The following CLN6 variants were observed in gnomAD, a reference collection of about 807,000 sequenced individuals.
CLN6 encodes CLN6 transmembrane ER protein, also known as ceroid-lipofuscinosis neuronal protein 6.
A neutral mutation model predicts 33.3 loss-of-function variants in CLN6; 22 were observed. The ratio of observed to expected loss-of-function variants is 0.66; its 90% CI spans 0.47 to 0.94. The LOEUF (loss-of-function observed/expected upper bound fraction) is 0.94. Ranked by LOEUF, CLN6 falls within the 40% of genes least tolerant of loss-of-function variation. The pLI, the probability that CLN6 is intolerant of heterozygous loss-of-function variation, is 0.00. For missense variants in CLN6, 387 were observed against 417.1 expected, an observed-to-expected ratio of 0.93 and a Z score of 0.63; for synonymous variants, 201 against 174.6, an observed-to-expected ratio of 1.15 and a Z score of -1.19.
At position 68,211,750 on chromosome 15, in the gene CLN6, C is replaced by G. The variant is rs748062705; in HGVS notation, c.411G>C (p.Leu137=). Residue 137 remains leucine, a synonymous_variant, in exon 4 of 7, where the codon CTG becomes CTC. Coordinates refer to ENST00000249806, the MANE Select transcript of CLN6 (RefSeq NM_017882.3). The surrounding 1 kb of genome is among the most constrained non-coding windows in gnomAD (Gnocchi z 5.9). ...HLVGDSVNHR[L]LFSGYQHHLS... is the part of the protein sequence containing the mutation. ...GGTGGTGCTGGTAGCCACTGAAGAG[C>G]AGGCGGTGGTTGACAGAGTCACCCA... 44 of 1,613,836 alleles carry G rather than the reference C, an allele frequency of 2.7e-5. No individual in the cohort carries two copies. The highest frequency in any genetic ancestry group is 3.6e-5 in the Non-Finnish European group (43 of 1,180,008).
rs2093194642 is a variant in CLN6 at position 68,208,509 on chromosome 15, C to A, written c.666-99G>T. The A allele has an allele frequency of 2.3e-6, 3 of 1,326,564 alleles. No individual in the cohort carries two copies. Among genetic ancestry groups the A allele is most frequent in the South Asian group, 1.2e-5 (1 of 80,954 alleles). 82.2% of individuals were successfully genotyped at this position (1,326,564 alleles called of 1,614,324 possible). A position where few individuals can be genotyped will look rare whatever the true frequency, so the allele number is the denominator to read the frequency against. ...AGAGCCAGGCTGCCCTCCAGGCAGG[C>A]AGAAGAGTCCTCTGGTGCCAGGGCT... On this transcript the variant is annotated intron_variant, in intron 6 of 6. Transcript: ENST00000249806. The surrounding 1 kb of genome is among the most constrained non-coding windows in gnomAD (Gnocchi z 5.8).
At chr15:68,254,609 C>CCCG in intron 1 of CLN6, 1 of 610,626 alleles carries the variant, frequency 1.6e-6, no homozygotes, top group Non-Finnish European at 2.9e-6. Flanking sequence ...GCGCCTATGT[C>CCCG]CCGCCGCCGT....
upstream of CLN6, among the ~76,000 whole-genome samples, chr15:68,233,547 G>A (rs542312995): frequency 9.6e-4 from 146 of 152,296 alleles, no homozygotes; most frequent in African/African-American, 3.3e-3. This position sits in a 1 kb window ranked among gnomAD's most constrained non-coding sequence, Gnocchi z 4.3. Flanking sequence ...TTTCTATCCA[G>A]TCTCTTAAGA....
At chr15:68,239,625 T>C (rs1008000611) in intron 1 of CLN6, among the ~76,000 whole-genome samples, 1 of 152,174 alleles carries the variant, frequency 6.6e-6, no homozygotes, top group African/African-American at 2.4e-5. Flanking sequence ...TAAAAATTTA[T>C]AGAATTATGA....
rs1232861652 is a variant in CLN6 at position 68,207,842 on chromosome 15, AGAG to A, written c.*295_*297del. On this transcript the variant is annotated 3_prime_UTR_variant, in exon 7 of 7. Coordinates refer to ENST00000249806, the MANE Select transcript of CLN6 (RefSeq NM_017882.3). ...CTGAGTAGGGAGTGTGGTCAGGTGC[AGAG>A]GAGGGCAGGGGCCCGGATCCTGGCC... The A allele has an allele frequency of 4.4e-6, 2 of 449,496 alleles. No individual in the cohort carries two copies. Among genetic ancestry groups the A allele is most frequent in the African/African-American group, 2.0e-5 (1 of 50,182 alleles). 27.8% of individuals were successfully genotyped at this position (449,496 alleles called of 1,614,324 possible).
intron 1 of CLN6, among the ~76,000 whole-genome samples, chr15:68,225,217 A>G (rs982349467): frequency 6.6e-6 from 1 of 152,272 alleles, no homozygotes; most frequent in South Asian, 2.1e-4. Flanking sequence ...CAAGAAAAAC[A>G]AAAGTAACAT....
intron 1 of CLN6, among the ~76,000 whole-genome samples, chr15:68,222,637 A>C (rs2093241100): frequency 6.6e-6 from 1 of 152,238 alleles, no homozygotes. Context: ...AGAGACAGCG[A>C]CCATTGAGAA....
intron 2 of CLN6, among the ~76,000 whole-genome samples, chr15:68,216,124 G>C (rs943059236): frequency 1.3e-5 from 2 of 152,200 alleles, no homozygotes. Context: ...AGCAGGATGG[G>C]GGAAGTGATT....
At chr15:68,214,464 C>A in intron 2 of CLN6, 76 bp from the exon 3 acceptor site, 1 of 986,308 alleles carries the variant, frequency 1.0e-6, no homozygotes, top group Non-Finnish European at 1.6e-6. Context: ...GAGTCTGCCC[C>A]TAATGCCGCC....
intron 1 of CLN6, among the ~76,000 whole-genome samples, chr15:68,245,233 G>A (rs55873254): frequency 3.4e-5 from 5 of 149,162 alleles, no homozygotes; most frequent in Non-Finnish European, 7.4e-5. Flanking sequence ...AAGCACCATG[G>A]TAACCATAAT....
intron 1 of CLN6, among the ~76,000 whole-genome samples, chr15:68,235,042 AAAAC>A (rs1892205656): frequency 6.6e-6 from 1 of 152,096 alleles, no homozygotes. Context: ...AGAATAAAAC[AAAAC>A]AAACAAAACC....
At chr15:68,214,181 CA>C in intron 3 of CLN6, 108 bp downstream of exon 3, 1 of 849,850 alleles carries the variant, frequency 1.2e-6, no homozygotes, top group Non-Finnish European at 2.0e-6. Flanking sequence ...CACCCCCCAG[CA>C]GCAGGCAGGA....
chr15:68,250,660 G>C (rs1892370435), intron 1 of CLN6, among the ~76,000 whole-genome samples: 1 of 150,338 alleles, frequency 6.7e-6, no homozygotes, highest in African/African-American at 2.4e-5. Flanking sequence ...AGCCTAGATA[G>C]TTTTCACGCA....
chr15:68,214,551 C>T, intron 2 of CLN6, 163 bp from the exon 3 acceptor site: 1 of 636,984 alleles, frequency 1.6e-6, no homozygotes, highest in South Asian at 1.7e-5. Context: ...TCTCGGCAGC[C>T]TTGGGACAAA....
intron 1 of CLN6, among the ~76,000 whole-genome samples, chr15:68,237,585 A>C (rs1396953843): frequency 2.6e-5 from 4 of 152,238 alleles, no homozygotes; most frequent in Non-Finnish European, 5.9e-5. Context: ...GTAAACCAAA[A>C]GACAGATTGA....
chr15:68,221,753 C>G (rs1259645509), intron 1 of CLN6, among the ~76,000 whole-genome samples: 1 of 151,538 alleles, frequency 6.6e-6, no homozygotes, highest in Admixed American at 6.6e-5. Context: ...AGAAGCGCCT[C>G]TGCCCAGCTG....
rs923403744 is a variant in CLN6, at chr15:68,220,229, C to T, written c.84-1579G>A. ...TCCCCTCTACTCGGTATCTTCCACC[C>T]CCTCACTGAACACCAACTATGTGCA... On this transcript the variant is annotated intron_variant, in intron 1 of 6. Coordinates refer to ENST00000249806, the MANE Select transcript of CLN6 (RefSeq NM_017882.3). The surrounding 1 kb of genome is among the most constrained non-coding windows in gnomAD (Gnocchi z 4.2). Among the ~76,000 whole-genome samples the T allele has an allele frequency of 6.6e-6, 1 of 152,178 alleles. No homozygotes were observed. Among genetic ancestry groups the T allele is most frequent in the Admixed American group, 6.5e-5 (1 of 15,278 alleles).
chr15:68,231,747 A>G (rs8030220), upstream of CLN6, among the ~76,000 whole-genome samples: 83,355 of 152,136 alleles, frequency 0.55, 23,405 homozygotes, highest in African/African-American at 0.61. Flanking sequence ...GTCCGCTGCT[A>G]CCCCTTGAGG....
In CLN6 at chr15:68,220,713, G is replaced by A. The variant is rs189299997; in HGVS notation, c.84-2063C>T. On this transcript the variant is annotated intron_variant, in intron 1 of 6. Transcript: ENST00000249806. The surrounding 1 kb of genome is among the most constrained non-coding windows in gnomAD (Gnocchi z 4.2). ...AGCCAACACATTCCTTTTTGCTAAG[G>A]ATGGTGCAGTTCACACTGGCTTTCT... is the stretch of plus-strand genomic sequence containing the variant. Among the ~76,000 whole-genome samples the A allele has an allele frequency of 1.1e-3, 169 of 152,382 alleles. 1 individual carries two copies. Among genetic ancestry groups the A allele is most frequent in the African/African-American group, 3.9e-3 (164 of 41,586 alleles).
Sources: allele counts gnomAD v4.1 joint callset (sites outside exome capture counted in the v4.1 genomes callset), GRCh38; gene constraint gnomAD v4.1.1; non-coding constraint Gnocchi (gnomAD v3.1); transcripts MANE v1.5; gene names NCBI Gene and HGNC (gene_info 2026-07-23, HGNC 2026-07-21).